The following PNMA2 variants were observed in gnomAD, a reference collection of about 807,000 sequenced individuals.
PNMA2 encodes the protein PNMA family member 2.
For missense variants in PNMA2, 455 were observed against 452.9 expected (o/e 1.00, Z -0.04); for synonymous variants, 175 against 183.5 (o/e 0.95, Z 0.38).
At chr8:26,512,462 G>A (rs1808177767) in intron 1 of PNMA2, among the ~76,000 whole-genome samples, 1 of 152,188 alleles carries the variant, frequency 6.6e-6, no homozygotes, top group South Asian at 2.1e-4. Flanking sequence ...TCCAGCAGAT[G>A]TAACTATATT....
In PNMA2 at chr8:26,509,655, A is replaced by G. The variant is rs1392817612; in HGVS notation, c.-596T>C. The G allele has an allele frequency of 6.6e-6, 1 of 152,206 alleles. No homozygotes were observed. The highest frequency in any genetic ancestry group is 1.5e-5 in the Non-Finnish European group (1 of 68,032). 9.4% of individuals were successfully genotyped at this position (152,206 alleles called of 1,614,324 possible). On this transcript the variant is annotated 5_prime_UTR_variant, in exon 2 of 3. Coordinates refer to ENST00000522362, the MANE Select transcript of PNMA2 (RefSeq NM_007257.6). This position sits in a 1 kb window ranked among gnomAD's most constrained non-coding sequence, Gnocchi z 5.7. ...CCACACAGTGGTGTGTCTGGCTCTTAGCTCCAGCCAAGCCAAGCTGCTCTG... is the reference window on the plus strand; with the variant it reads ...CCACACAGTGGTGTGTCTGGCTCTTGGCTCCAGCCAAGCCAAGCTGCTCTG...
chr8:26,512,349 C>T (rs181578057), intron 1 of PNMA2, among the ~76,000 whole-genome samples: 1 of 152,340 alleles, frequency 6.6e-6, no homozygotes, highest in Admixed American at 6.5e-5. Flanking sequence ...CTCCGGTTCT[C>T]TCAGCCCCTC....
At chr8:26,511,396 C>T (rs1808151601) in intron 1 of PNMA2, among the ~76,000 whole-genome samples, 2 of 152,188 alleles carry the variant, frequency 1.3e-5, no homozygotes, top group Non-Finnish European at 2.9e-5. Context: ...GGGCAAAATG[C>T]TGCTTCACCC....
chr8:26,513,172 A>T (rs1243055803), intron 1 of PNMA2, among the ~76,000 whole-genome samples: 13 of 141,106 alleles, frequency 9.2e-5, no homozygotes, highest in Admixed American at 3.7e-4. Flanking sequence ...AAATCGCGAC[A>T]CGTTCCTGCG....
chr8:26,510,193 C>T (rs1431211636), intron 1 of PNMA2, among the ~76,000 whole-genome samples: 1 of 152,100 alleles, frequency 6.6e-6, no homozygotes, highest in Non-Finnish European at 1.5e-5. Context: ...AACAGACTGC[C>T]ACCTCCCTCC....
chr8:26,508,853 C>G lies in PNMA2; in HGVS notation c.-98G>C. 6.6e-7 allele frequency: 1 copy of G among 1,522,106 alleles called. No homozygotes were observed. Among genetic ancestry groups the G allele is most frequent in the African/African-American group, 1.4e-5 (1 of 71,968 alleles). 94.3% of individuals were successfully genotyped at this position (1,522,106 alleles called of 1,614,324 possible). A position where few individuals can be genotyped will look rare whatever the true frequency, so the allele number is the denominator to read the frequency against. On this transcript the variant is annotated 5_prime_UTR_variant, in exon 3 of 3. Transcript: ENST00000522362. This position sits in a 1 kb window ranked among gnomAD's most constrained non-coding sequence, Gnocchi z 5.5. ...TATTGAAAATATCCTGGATGAGCTT[C>G]TAACCTTAGAACCCACCAATGAATG...
In PNMA2 at chr8:26,508,224, C is replaced by T. The variant is rs753778212; in HGVS notation, c.532G>A (p.Glu178Lys). The T allele has an allele frequency of 1.2e-6, 2 of 1,607,916 alleles. No individual in the cohort carries two copies. Among genetic ancestry groups the T allele is most frequent in the Non-Finnish European group, 1.7e-6 (2 of 1,176,754 alleles). ...FSGSAVPAPE[E>K]ESFEVWLEQA... ...TCCAACCAGACCTCAAAGGACTCTTCCTCTGGGGCTGGGACAGCACTCCCT... is the reference window on the plus strand; with the variant it reads ...TCCAACCAGACCTCAAAGGACTCTTTCTCTGGGGCTGGGACAGCACTCCCT... Residue 178 changes from glutamate to lysine, a missense_variant, in exon 3 of 3, where the codon GAA (glutamate) becomes AAA (lysine). Coordinates refer to ENST00000522362, the MANE Select transcript of PNMA2 (RefSeq NM_007257.6). This position sits in a 1 kb window ranked among gnomAD's most constrained non-coding sequence, Gnocchi z 5.5.
Position 26,508,269 on chromosome 8 carries a change from G to C in PNMA2, c.487C>G (p.Arg163Gly). Reference protein sequence around the residue: ...APQPLLPMRYRKLRVFSGSAV... With the variant: ...APQPLLPMRYGKLRVFSGSAV... ...CTCCCTGAGAATACTCGCAGTTTCC[G>C]GTATCTCATGGGTAGCAGGGGCTGA... The change falls in exon 3 of 3, where the codon CGG becomes GGG. Residue 163 changes from arginine to glycine, a missense_variant. Transcript: ENST00000522362. This position sits in a 1 kb window ranked among gnomAD's most constrained non-coding sequence, Gnocchi z 5.5. 1.3e-6 allele frequency: 2 copies of C among 1,599,894 alleles called. No individual in the cohort carries two copies. Among genetic ancestry groups the C allele is most frequent in the Non-Finnish European group, 1.7e-6 (2 of 1,172,744 alleles).
chr8:26,508,218 A>ATT lies in PNMA2; in HGVS notation c.537_538insAA (p.Ser180AsnfsTer13). On this transcript the variant is annotated frameshift_variant, in exon 3 of 3. Coordinates refer to ENST00000522362, the MANE Select transcript of PNMA2 (RefSeq NM_007257.6). LOFTEE classifies it high-confidence loss of function. This position sits in a 1 kb window ranked among gnomAD's most constrained non-coding sequence, Gnocchi z 5.5. ...GCCTGTTCCAACCAGACCTCAAAGG[A>ATT]CTCTTCCTCTGGGGCTGGGACAGCA... The ATT allele has an allele frequency of 6.2e-7, 1 of 1,608,624 alleles. No homozygotes were observed. The highest frequency in any genetic ancestry group is 8.5e-7 in the Non-Finnish European group (1 of 1,177,226).
At chr8:26,510,607 C>A (rs549084538) in intron 1 of PNMA2, among the ~76,000 whole-genome samples, 1 of 152,088 alleles carries the variant, frequency 6.6e-6, no homozygotes, top group East Asian at 1.9e-4. Context: ...TGCCACCATG[C>A]CTGGCTAGTT....
intron 1 of PNMA2, chr8:26,512,958 A>T (rs2117586981): frequency 6.6e-6 from 1 of 152,136 alleles, no homozygotes; most frequent in East Asian, 1.9e-4. Flanking sequence ...CCAGATGCGC[A>T]CCCGCACTTA....
Position 26,507,385 on chromosome 8 carries a change from G to A in PNMA2, c.*276C>T, listed in dbSNP as rs527809445. On this transcript the variant is annotated 3_prime_UTR_variant, in exon 3 of 3. Transcript: ENST00000522362. ...TGGGAAGTCAAGGCTGCAGTGAGCC[G>A]AGATTTTTGTGCCACTGCACTCTAG... 1.0e-5 allele frequency: 3 copies of A among 289,160 alleles called. No individual in the cohort carries two copies. The highest frequency in any genetic ancestry group is 1.3e-4 in the East Asian group (2 of 15,728). The allele number at this position is 289,160 out of a possible 1,614,324, so 17.9% of individuals were successfully genotyped here. A position where few individuals can be genotyped will look rare whatever the true frequency, so the allele number is the denominator to read the frequency against.
Position 26,508,509 on chromosome 8 carries a change from G to T in PNMA2, c.247C>A (p.Gln83Lys). ...TDVSAIPSEVQGKGGVWKVIF... is the reference protein window; with the variant it reads ...TDVSAIPSEVKGKGGVWKVIF... ...ACCTTCCAGACACCCCCCTTTCCCT[G>T]GACCTCACTGGGAATGGCCGAGACA... The change falls in exon 3 of 3, where the codon CAG (glutamine) becomes AAG (lysine). Residue 83 changes from glutamine to lysine, a missense_variant. Transcript: ENST00000522362. This position sits in a 1 kb window ranked among gnomAD's most constrained non-coding sequence, Gnocchi z 5.5. The T allele has an allele frequency of 6.2e-7, 1 of 1,614,194 alleles. No homozygotes were observed. Among genetic ancestry groups the T allele is most frequent in the South Asian group, 1.1e-5 (1 of 91,080 alleles).
chr8:26,510,271 C>T (rs2117582633), intron 1 of PNMA2, among the ~76,000 whole-genome samples: 1 of 152,334 alleles, frequency 6.6e-6, no homozygotes, highest in East Asian at 1.9e-4. Flanking sequence ...TGGAAGCTTC[C>T]TGAGGGGTCA....
intron 1 of PNMA2, among the ~76,000 whole-genome samples, chr8:26,510,895 G>C (rs985073785): frequency 6.6e-6 from 1 of 152,208 alleles, no homozygotes; most frequent in Non-Finnish European, 1.5e-5. Flanking sequence ...ACTCATGCCT[G>C]TAATCCCAGC....
Position 26,509,045 on chromosome 8 carries a change from T to C in PNMA2, c.-290A>G. 1 of 502,706 alleles carries C rather than the reference T, an allele frequency of 2.0e-6. No individual in the cohort carries two copies. The highest frequency in any genetic ancestry group is 3.0e-6 in the Non-Finnish European group (1 of 330,174). The allele number at this position is 502,706 out of a possible 1,614,324, so 31.1% of individuals were successfully genotyped here. A position where few individuals can be genotyped will look rare whatever the true frequency, so the allele number is the denominator to read the frequency against. ...TGTGCCCGCAGCTCTGAAGTCCGAT[T>C]GCCAGTGATTTTCTCAAAGATGCTG... On this transcript the variant is annotated 5_prime_UTR_variant, in exon 3 of 3. Transcript: ENST00000522362. The surrounding 1 kb of genome is among the most constrained non-coding windows in gnomAD (Gnocchi z 5.7).
chr8:26,507,667 G>A lies in PNMA2; in HGVS notation c.1089C>T (p.Asp363=), dbSNP rs202002019. 3.2e-6 allele frequency: 5 copies of A among 1,543,676 alleles called. No individual in the cohort carries two copies. Among genetic ancestry groups the A allele is most frequent in the East Asian group, 2.3e-5 (1 of 44,356 alleles). The change falls in exon 3 of 3, where the codon GAC becomes GAT. Residue 363 remains aspartate, a synonymous_variant. Transcript: ENST00000522362. ...TCCTGCCCCCAGGTGGTTTTCAGTC[G>A]TCTCCCTCATGATTCCAGCGGCCAT... ...DGYGRWNHEG[D]D
Position 26,508,523 on chromosome 8 carries a change from A to G in PNMA2, c.233T>C (p.Ile78Thr). Residue 78 changes from isoleucine (I) to threonine (T), a missense_variant, in exon 3 of 3, where the codon ATT (isoleucine) becomes ACT (threonine). Transcript: ENST00000522362. This position sits in a 1 kb window ranked among gnomAD's most constrained non-coding sequence, Gnocchi z 5.5. Reference protein sequence around the residue: ...ELLEDTDVSAIPSEVQGKGGV... With the variant: ...ELLEDTDVSATPSEVQGKGGV... ...CCCCTTTCCCTGGACCTCACTGGGA[A>G]TGGCCGAGACATCAGTATCTTCCAG... is the stretch of plus-strand genomic sequence containing the variant. The G allele has an allele frequency of 1.2e-6, 2 of 1,614,226 alleles. No individual in the cohort carries two copies. Among genetic ancestry groups the G allele is most frequent in the Non-Finnish European group, 8.5e-7 (1 of 1,180,034 alleles).
rs1000427036 is a variant in PNMA2 at position 26,509,300 on chromosome 8, A to C, written c.-488-57T>G. 1 of 157,524 alleles carries C rather than the reference A, an allele frequency of 6.3e-6. No individual in the cohort carries two copies. The highest frequency in any genetic ancestry group is 2.4e-5 in the African/African-American group (1 of 41,446). 9.8% of individuals were successfully genotyped at this position (157,524 alleles called of 1,614,324 possible). A position where few individuals can be genotyped will look rare whatever the true frequency, so the allele number is the denominator to read the frequency against. On this transcript the variant is annotated intron_variant, in intron 2 of 2. Coordinates refer to ENST00000522362, the MANE Select transcript of PNMA2 (RefSeq NM_007257.6). This position sits in a 1 kb window ranked among gnomAD's most constrained non-coding sequence, Gnocchi z 5.7. ...GCACTCTCTTTCCTTGGAAGCATCC[A>C]TACTCTAATCTGGAATGGAACTGGG...
Sources: allele counts gnomAD v4.1 joint callset (sites outside exome capture counted in the v4.1 genomes callset), GRCh38; gene constraint gnomAD v4.1.1; non-coding constraint Gnocchi (gnomAD v3.1); transcripts MANE v1.5; gene names NCBI Gene and HGNC (gene_info 2026-07-23, HGNC 2026-07-21).